NAV2: variants seen among roughly 807,000 people sequenced by gnomAD.
NAV2 encodes the protein helicase, APC down-regulated 1.
Under a neutral mutation model 223.2 loss-of-function variants are expected in NAV2, and 54 were observed. That is an observed-to-expected ratio of 0.24 (90% CI 0.19 to 0.30). The LOEUF is 0.30. Among genes scored for constraint, NAV2 ranks in the 10% least tolerant of loss-of-function variants. The pLI, the probability that NAV2 is intolerant of heterozygous loss-of-function variation, is 1.00. For missense variants in NAV2, 2,806 were observed against 3,147.5 expected, an observed-to-expected ratio of 0.89 and a Z score of 2.60; for synonymous variants, 1,279 against 1,239.3, an observed-to-expected ratio of 1.03 and a Z score of -0.67.
At chr11:19,871,938 A>T (rs2062536397) in intron 4 of NAV2, among the ~76,000 whole-genome samples, 1 of 152,076 alleles carries the variant, frequency 6.6e-6, no homozygotes, top group Non-Finnish European at 1.5e-5. Flanking sequence ...AGGGGAGGAA[A>T]ATATCCTTTC....
At chr11:19,892,721 C>T (rs2041609012) in intron 6 of NAV2, 127 bp downstream of exon 6, 5 of 1,007,662 alleles carry the variant, frequency 5.0e-6, no homozygotes, top group South Asian at 4.4e-5. Context: ...GTTACAAGGA[C>T]ATATTTGGTA....
chr11:19,883,685 G>A (rs1797640178), intron 5 of NAV2, among the ~76,000 whole-genome samples: 1 of 152,190 alleles, frequency 6.6e-6, no homozygotes, highest in Non-Finnish European at 1.5e-5. Context: ...TCAGAAAGCA[G>A]TAAATAAGTT....
In NAV2 at chr11:19,417,912, C is replaced by T. The variant is rs190121635; in HGVS notation, c.75+66885C>T. On this transcript the variant is annotated intron_variant, in intron 1 of 37. Transcript: ENST00000360655. ...ACATGTTCTCACTTATAGTGGGAGT[C>T]GAAAAACGAGAACACATGGACCTGG... Among the ~76,000 whole-genome samples the T allele has an allele frequency of 2.0e-3, 310 of 151,980 alleles. 1 individual carries two copies. The highest frequency in any genetic ancestry group is 6.8e-3 in the African/African-American group (280 of 41,440).
At chr11:19,563,424 C>G (rs1441568933) in intron 1 of NAV2, among the ~76,000 whole-genome samples, 1 of 152,222 alleles carries the variant, frequency 6.6e-6, no homozygotes, top group Non-Finnish European at 1.5e-5. Context: ...CTCCTTTTGA[C>G]ACAGAGGGAC....
rs531514395 is a variant in NAV2 at position 19,868,915 on chromosome 11, T to C, written c.439-10T>C. The C allele has an allele frequency of 6.2e-7, 1 of 1,613,344 alleles. No homozygotes were observed. The highest frequency in any genetic ancestry group is 1.3e-5 in the African/African-American group (1 of 75,006). ...TTTATTAAGTATATATTGTTGTTTT[T>C]CCCTCCTAGATTGAAAACATAGATG... On this transcript the variant is annotated splice_polypyrimidine_tract_variant and intron_variant, in intron 3 of 37. Transcript: ENST00000349880.
intron 22 of NAV2, among the ~76,000 whole-genome samples, chr11:20,074,034 AT>A (rs1385447874): frequency 6.6e-6 from 1 of 152,078 alleles, no homozygotes; most frequent in East Asian, 1.9e-4. Flanking sequence ...CAGGGTGTCG[AT>A]TTTAGATCTT....
intron 10 of NAV2, among the ~76,000 whole-genome samples, chr11:19,954,897 ATATATATGTG>A (rs1167420343): frequency 5.1e-5 from 2 of 39,162 alleles, no homozygotes; most frequent in African/African-American, 2.2e-4. Context: ...ATGTATGTGT[ATATATATGTG>A]TATATATGTG....
chr11:20,023,324 T>C (rs2054688075), intron 11 of NAV2, among the ~76,000 whole-genome samples: 1 of 151,984 alleles, frequency 6.6e-6, no homozygotes. Flanking sequence ...GGTCAGGAAA[T>C]TCACCTCTTC....
chr11:19,491,953 CAA>C (rs1389498100), intron 1 of NAV2, among the ~76,000 whole-genome samples: 1,350 of 120,732 alleles, frequency 0.011, 16 homozygotes, highest in African/African-American at 0.03. Flanking sequence ...TAGGGAGACT[CAA>C]AGAGAGAGAG....
chr11:19,537,902 G>A (rs976775725), intron 1 of NAV2, among the ~76,000 whole-genome samples: 1 of 152,234 alleles, frequency 6.6e-6, no homozygotes, highest in South Asian at 2.1e-4. Flanking sequence ...AGGATTAAGA[G>A]GTGAAATATT....
chr11:19,509,343 G>A (rs989176927), intron 1 of NAV2, among the ~76,000 whole-genome samples: 16 of 152,180 alleles, frequency 1.1e-4, no homozygotes, highest in Non-Finnish European at 1.9e-4. Context: ...CAGGAACTAC[G>A]TCATTAGCAT....
chr11:19,782,100 C>G (rs941507762), intron 1 of NAV2, among the ~76,000 whole-genome samples: 3 of 152,208 alleles, frequency 2.0e-5, no homozygotes, highest in African/African-American at 7.2e-5. Flanking sequence ...ATTTGACCAT[C>G]TCCCAGGTAC....
At position 19,419,041 on chromosome 11, in the gene NAV2, C is replaced by T. The variant is rs372052958; in HGVS notation, c.75+68014C>T. On this transcript the variant is annotated intron_variant, in intron 1 of 37. Transcript: ENST00000360655. Reference sequence around the variant, plus strand: ...AGGGACTCAAGGAGGGTATACAGACCTGTATATATGTGATGAGATGTATGC... The same window carrying T: ...AGGGACTCAAGGAGGGTATACAGACTTGTATATATGTGATGAGATGTATGC... Among the ~76,000 whole-genome samples, 39 of 152,110 alleles carry T rather than the reference C, an allele frequency of 2.6e-4. No individual in the cohort carries two copies. In the South Asian group the frequency reaches 8.1e-3, roughly 32 times the overall value.
At chr11:19,883,670 A>G (rs561731117) in intron 5 of NAV2, among the ~76,000 whole-genome samples, 1 of 152,238 alleles carries the variant, frequency 6.6e-6, no homozygotes, top group Non-Finnish European at 1.5e-5. Context: ...AAATATTTCT[A>G]TCTTTCAGAA....
intron 1 of NAV2, among the ~76,000 whole-genome samples, chr11:19,536,073 T>C (rs2044178749): frequency 6.6e-6 from 1 of 152,216 alleles, no homozygotes; most frequent in South Asian, 2.1e-4. Context: ...AGTGGAAGAT[T>C]AGAAAGCTAC....
chr11:19,629,542 G>GACACACACACACACACACACACACACAC (rs10604730), intron 1 of NAV2, among the ~76,000 whole-genome samples: 1 of 134,714 alleles, frequency 7.4e-6, no homozygotes, highest in African/African-American at 2.7e-5. Flanking sequence ...CTCTCTCTCT[G>GACACACACACACACACACACACACACAC]ACACACACAC....
intron 3 of NAV2, among the ~76,000 whole-genome samples, chr11:19,846,845 C>T (rs1363023830): frequency 6.6e-6 from 1 of 152,196 alleles, no homozygotes; most frequent in Non-Finnish European, 1.5e-5. Context: ...GCTTCCCTTT[C>T]CTGGAGCAAG....
chr11:20,077,037 A>G (rs2059800810), intron 22 of NAV2, among the ~76,000 whole-genome samples: 1 of 152,196 alleles, frequency 6.6e-6, no homozygotes, highest in Non-Finnish European at 1.5e-5. Flanking sequence ...TGTTCATTCT[A>G]CTAACATGCT....
intron 1 of NAV2, among the ~76,000 whole-genome samples, chr11:19,550,607 A>C (rs559478465): frequency 1.3e-5 from 2 of 152,186 alleles, no homozygotes; most frequent in Non-Finnish European, 2.9e-5. Context: ...GTGTACGTGC[A>C]CTCACTGCCA....
Sources: allele counts gnomAD v4.1 joint callset (sites outside exome capture counted in the v4.1 genomes callset), GRCh38; gene constraint gnomAD v4.1.1; transcripts MANE v1.5; gene names NCBI Gene and HGNC (gene_info 2026-07-23, HGNC 2026-07-21).